The following DIAPH2 variants were observed in gnomAD, a reference collection of about 807,000 sequenced individuals.
DIAPH2 encodes the protein diaphanous related formin 2, also known as protein diaphanous homolog 2.
DIAPH2 carries 35 observed loss-of-function variants against 92.7 expected under a neutral mutation model. The ratio of observed to expected loss-of-function variants is 0.38; its 90% CI spans 0.29 to 0.50. The LOEUF (loss-of-function observed/expected upper bound fraction) is 0.50, where lower values mean the gene tolerates loss of function less well. Ranked by LOEUF, DIAPH2 falls within the 20% of genes least tolerant of loss-of-function variation. The pLI is 0.94. For synonymous variants in DIAPH2, 301 were observed against 280.4 expected, an observed-to-expected ratio of 1.07 and a Z score of -0.73; for missense variants, 701 against 819.5, an observed-to-expected ratio of 0.86 and a Z score of 1.77.
chrX:97,000,865 C>G (rs1012393124), intron 17 of DIAPH2, among the ~76,000 whole-genome samples: 1 of 111,347 alleles, frequency 9.0e-6, no homozygotes, highest in Non-Finnish European at 1.9e-5. Flanking sequence ...TTTTTTCTCA[C>G]TTATCCACAC....
intron 4 of DIAPH2, among the ~76,000 whole-genome samples, chrX:96,879,433 C>T (rs707289): frequency 0.52 from 57,040 of 110,313 alleles, 12,202 homozygotes; most frequent in South Asian, 0.74. Context: ...TATATGAAAG[C>T]GGTATGTGAC....
At chrX:97,542,995 G>T (rs1429372016) in intron 26 of DIAPH2, among the ~76,000 whole-genome samples, 1 of 112,166 alleles carries the variant, frequency 8.9e-6, no homozygotes, top group East Asian at 2.8e-4. Flanking sequence ...TCCATTATCT[G>T]TTGTTGTAGA....
intron 9 of DIAPH2, among the ~76,000 whole-genome samples, chrX:96,925,545 C>T (rs1444265299): frequency 9.0e-6 from 1 of 111,176 alleles, no homozygotes; most frequent in Non-Finnish European, 1.9e-5. Flanking sequence ...TATCCTTTCC[C>T]TATGTTCTAT....
At chrX:96,739,683 A>G (rs2064107706) in intron 3 of DIAPH2, among the ~76,000 whole-genome samples, 1 of 111,730 alleles carries the variant, frequency 9.0e-6, no homozygotes, top group Non-Finnish European at 1.9e-5. Flanking sequence ...AATCCAAACA[A>G]AATTTCCCTT....
At chrX:96,899,045 G>A (rs1299844974) in intron 5 of DIAPH2, among the ~76,000 whole-genome samples, 12 of 109,696 alleles carry the variant, frequency 1.1e-4, no homozygotes, top group South Asian at 8.0e-4. Flanking sequence ...GTAGATATGC[G>A]GCATTATTTC....
intron 21 of DIAPH2, among the ~76,000 whole-genome samples, chrX:97,125,939 A>T (rs183619785): frequency 8.9e-6 from 1 of 111,972 alleles, no homozygotes; most frequent in African/African-American, 3.2e-5. Flanking sequence ...TTTCAGCGCT[A>T]GAGCAGACAA....
chrX:96,945,668 A>G lies in DIAPH2; in HGVS notation c.1509+77A>G, dbSNP rs904136075. The G allele has an allele frequency of 1.0e-5, 7 of 687,471 alleles. No individual in the cohort carries two copies. The African/African-American group carries it at 1.6e-4, about 16-fold the overall frequency. 56.7% of individuals were successfully genotyped at this position (687,471 alleles called of 1,213,427 possible). ...GTAATACTCTACCTTCTTTATTAAT[A>G]TGAGGGCTTCTAAATGTTTCATTTA... On this transcript the variant is annotated intron_variant, in intron 14 of 26. Transcript: ENST00000324765.
intron 21 of DIAPH2, 38 bp from the exon 22 acceptor site, chrX:97,141,627 A>G (rs2147409593): frequency 8.7e-7 from 1 of 1,144,936 alleles, no homozygotes. Flanking sequence ...AGTATTTACT[A>G]AAAAATTACT....
intron 20 of DIAPH2, among the ~76,000 whole-genome samples, chrX:97,112,335 T>G (rs2066986105): frequency 9.0e-6 from 1 of 111,294 alleles, no homozygotes; most frequent in Non-Finnish European, 1.9e-5. Context: ...CTCTATAGCT[T>G]TTTTAGTCAT....
chrX:97,239,763 C>G (rs1208364892), intron 22 of DIAPH2, among the ~76,000 whole-genome samples: 2 of 109,916 alleles, frequency 1.8e-5, no homozygotes, highest in African/African-American at 6.6e-5. Flanking sequence ...GCAAGCATTT[C>G]TAACCCACTC....
Position 96,949,210 on chromosome X carries a change from A to G in DIAPH2, c.1614+171A>G, listed in dbSNP as rs763474054. On this transcript the variant is annotated intron_variant, in intron 15 of 26. Transcript: ENST00000324765. Reference sequence around the variant, plus strand: ...TATTCCAGGGCAATAAATCATTTTAATGCTTGGAAAAAAAATAAAGCATTA... The same window carrying G: ...TATTCCAGGGCAATAAATCATTTTAGTGCTTGGAAAAAAAATAAAGCATTA... Among the ~76,000 whole-genome samples the G allele has an allele frequency of 2.7e-5, 3 of 111,544 alleles. No individual in the cohort carries two copies. The East Asian group carries it at 8.4e-4, about 31-fold the overall frequency.
chrX:97,337,150 A>G lies in DIAPH2; in HGVS notation c.2845-10966A>G, dbSNP rs534463280. On this transcript the variant is annotated intron_variant, in intron 23 of 26. Transcript: ENST00000324765. ...CTTTTCTTTTTTTTTTTTTATTTTA[A>G]CAAGATCTACTCTTTAGGTAGTGAG... 3.7e-5 allele frequency among the ~76,000 whole-genome samples: 4 copies of G among 107,121 alleles called. No homozygotes were observed. In the South Asian group the frequency reaches 1.2e-3, roughly 33 times the overall value. The allele number at this position is 107,121 out of a possible 115,157, so 93.0% of individuals were successfully genotyped here. A position where few individuals can be genotyped will look rare whatever the true frequency, so the allele number is the denominator to read the frequency against.
At chrX:96,726,875 G>C (rs1421698749) in intron 1 of DIAPH2, among the ~76,000 whole-genome samples, 1 of 112,076 alleles carries the variant, frequency 8.9e-6, no homozygotes, top group African/African-American at 3.2e-5. Context: ...GCCTATAAAT[G>C]CTCAGTAAAT....
At chrX:97,124,404 G>A (rs2067077635) in intron 21 of DIAPH2, among the ~76,000 whole-genome samples, 1 of 112,040 alleles carries the variant, frequency 8.9e-6, no homozygotes, top group Admixed American at 9.4e-5. Flanking sequence ...CTGCAAATTA[G>A]CTAGTACTTT....
intron 26 of DIAPH2, among the ~76,000 whole-genome samples, chrX:97,432,574 C>T (rs774884763): frequency 1.4e-3 from 151 of 111,757 alleles, no homozygotes; most frequent in African/African-American, 4.6e-3. Flanking sequence ...GCAGCCTCTA[C>T]CTCCCAGGTT....
rs1387950279 is a variant in DIAPH2, at chrX:97,185,353, G to GTATATATATA, written c.2719+43560_2719+43561insATATATATAT. ...TATATATATATATGTATATATATAT[G>GTATATATATA]TGTGTATATATATATGTATATATAT... On this transcript the variant is annotated intron_variant, in intron 22 of 26. Coordinates refer to ENST00000324765, the MANE Select transcript of DIAPH2 (RefSeq NM_006729.5). Among the ~76,000 whole-genome samples, 44 of 18,390 alleles carry GTATATATATA rather than the reference G, an allele frequency of 2.4e-3. 4 individuals are homozygous for GTATATATATA. Among genetic ancestry groups the GTATATATATA allele is most frequent in the Admixed American group, 4.3e-3 (4 of 930 alleles). The allele number at this position is 18,390 out of a possible 115,157, so 16.0% of individuals were successfully genotyped here.
chrX:97,274,921 T>G (rs1046344407), intron 23 of DIAPH2, among the ~76,000 whole-genome samples: 2 of 110,919 alleles, frequency 1.8e-5, no homozygotes, highest in African/African-American at 3.3e-5. Context: ...TAACCCTGAG[T>G]GGACACAGCA....
chrX:96,872,625 G>A (rs1436794067), intron 4 of DIAPH2, among the ~76,000 whole-genome samples: 1 of 108,037 alleles, frequency 9.3e-6, no homozygotes, highest in Admixed American at 1.0e-4. Context: ...CCGAGTATCT[G>A]GGATTACAGG....
intron 21 of DIAPH2, among the ~76,000 whole-genome samples, chrX:97,123,841 A>G (rs931675177): frequency 8.9e-6 from 1 of 112,756 alleles, no homozygotes; most frequent in Non-Finnish European, 1.9e-5. Context: ...TCCTTCAATT[A>G]GCAAGTCAGT....
Sources: gnomAD v4.1 joint callset for allele counts (sites outside exome capture counted in the v4.1 genomes callset) on GRCh38, gnomAD v4.1.1 for gene constraint, MANE v1.5 for transcripts, NCBI Gene and HGNC (gene_info 2026-07-23, HGNC 2026-07-21) for gene names.